MLPH: variants seen among roughly 807,000 people sequenced by gnomAD.
MLPH encodes the protein exophilin-3.
MLPH carries 51 observed loss-of-function variants against 72.1 expected under a neutral mutation model. The ratio of observed to expected loss-of-function variants is 0.71; its 90% CI spans 0.56 to 0.89. The LOEUF (loss-of-function observed/expected upper bound fraction) is 0.89. Among genes scored for constraint, MLPH ranks in the 40% least tolerant of loss-of-function variants. The probability of loss-of-function intolerance (pLI) is 0.00; values close to 1 mark genes in which losing one functional copy is unlikely to be tolerated. For synonymous variants in MLPH, 301 were observed against 310.1 expected, an observed-to-expected ratio of 0.97 and a Z score of 0.31; for missense variants, 743 against 759.9, an observed-to-expected ratio of 0.98 and a Z score of 0.26.
chr2:237,546,737 C>T, intron 13 of MLPH, 54 bp downstream of exon 13: 2 of 1,479,304 alleles, frequency 1.4e-6, no homozygotes, highest in Non-Finnish European at 1.9e-6. Context: ...GAAGACTGCA[C>T]CCCTTTCCAG....
chr2:237,518,431 T>G (rs747075121), intron 4 of MLPH, 108 bp from the exon 5 acceptor site: 5 of 859,860 alleles, frequency 5.8e-6, no homozygotes, highest in East Asian at 5.3e-5. Flanking sequence ...GAGGGAGGGA[T>G]GGGCAGGTAG....
At chr2:237,486,410 A>G (rs181388496), upstream of MLPH, 26 of 152,414 alleles carry the variant, frequency 1.7e-4, no homozygotes, top group African/African-American at 6.3e-4. Context: ...CCTAATGTCC[A>G]TTGGAATTCG....
In MLPH at chr2:237,512,093, C is replaced by T. The variant is rs754491034; in HGVS notation, c.445+992C>T. On this transcript the variant is annotated intron_variant, in intron 4 of 15. Coordinates refer to ENST00000264605, the MANE Select transcript of MLPH (RefSeq NM_024101.7). The surrounding 1 kb of genome is among the most constrained non-coding windows in gnomAD (Gnocchi z 5.5). ...ACCAAGGCGAGTTTCTCCAGGGCCA[C>T]GAGGCAGCGCCTGGCTCCGGCAGCT... Among the ~76,000 whole-genome samples the T allele has an allele frequency of 6.6e-6, 1 of 152,200 alleles. No individual in the cohort carries two copies. The highest frequency in any genetic ancestry group is 2.4e-5 in the African/African-American group (1 of 41,450).
chr2:237,506,248 C>A (rs1004946962), intron 2 of MLPH, among the ~76,000 whole-genome samples: 3 of 152,132 alleles, frequency 2.0e-5, no homozygotes, highest in East Asian at 1.9e-4. Context: ...TAACAGTAAA[C>A]CCCCTACATG....
At chr2:237,500,413 G>A (rs2079622133) in intron 2 of MLPH, among the ~76,000 whole-genome samples, 1 of 152,248 alleles carries the variant, frequency 6.6e-6, no homozygotes, top group South Asian at 2.1e-4. Flanking sequence ...CACCAGAAGT[G>A]TGGCTAATGC....
At chr2:237,504,507 C>T (rs536561850) in intron 2 of MLPH, among the ~76,000 whole-genome samples, 24 of 152,316 alleles carry the variant, frequency 1.6e-4, no homozygotes, top group Admixed American at 9.8e-4. Context: ...TGTGAGCCAC[C>T]GCAACTGACC....
At position 237,519,228 on chromosome 2, in the gene MLPH, G is replaced by A. The variant is rs542223043; in HGVS notation, c.555+580G>A. Among the ~76,000 whole-genome samples, 33 of 152,140 alleles carry A rather than the reference G, an allele frequency of 2.2e-4. 1 individual carries two copies. Among genetic ancestry groups the A allele is most frequent in the Non-Finnish European group, 4.6e-4 (31 of 68,014 alleles). ...GGAAGCAGCTGGAAGAAGGGGCTGG[G>A]TAGGTGAGCAGGGGTTCAGACTTAG... is the stretch of plus-strand genomic sequence containing the variant. On this transcript the variant is annotated intron_variant, in intron 5 of 15. Coordinates refer to ENST00000264605, the MANE Select transcript of MLPH (RefSeq NM_024101.7).
chr2:237,492,605 C>G (rs1002864785), intron 1 of MLPH, among the ~76,000 whole-genome samples: 6 of 152,236 alleles, frequency 3.9e-5, no homozygotes, highest in African/African-American at 1.4e-4. Flanking sequence ...CAGCTGACCT[C>G]TCGAGTAAAT....
chr2:237,514,508 T>C (rs905858195), intron 4 of MLPH, among the ~76,000 whole-genome samples: 1 of 152,188 alleles, frequency 6.6e-6, no homozygotes. Context: ...TTCTATGTCC[T>C]GCCTTGGGGA....
At chr2:237,534,675 A>T in intron 9 of MLPH, 28 bp downstream of exon 9, 1 of 1,571,064 alleles carries the variant, frequency 6.4e-7, no homozygotes, top group Non-Finnish European at 8.8e-7. Context: ...GCAAAGAGAA[A>T]GGGCCCCCAC....
chr2:237,542,078 G>A (rs2033855399), intron 11 of MLPH, among the ~76,000 whole-genome samples: 1 of 152,180 alleles, frequency 6.6e-6, no homozygotes, highest in Admixed American at 6.5e-5. Flanking sequence ...GGCCCCTGGG[G>A]GCCACTGCAA....
intron 10 of MLPH, 45 bp from the exon 11 acceptor site, chr2:237,540,750 AACCCCAC>A: frequency 6.2e-7 from 1 of 1,604,504 alleles, no homozygotes; most frequent in Non-Finnish European, 8.5e-7. Context: ...ATCTGGGTGA[AACCCCAC>A]ACTCCCTCCT....
chr2:237,521,689 A>G (rs1329251369), intron 6 of MLPH, among the ~76,000 whole-genome samples: 4 of 152,384 alleles, frequency 2.6e-5, no homozygotes, highest in South Asian at 4.1e-4. Flanking sequence ...ATTCTTTTCT[A>G]TTGAAGGGTA....
chr2:237,546,226 C>G (rs903144879), intron 12 of MLPH, among the ~76,000 whole-genome samples: 4 of 152,078 alleles, frequency 2.6e-5, no homozygotes, highest in Admixed American at 2.6e-4. Flanking sequence ...TTTACAGAAG[C>G]GATAGGGGAA....
Position 237,505,904 on chromosome 2 carries a change from C to G in MLPH, c.111-4670C>G, listed in dbSNP as rs2106486758. On this transcript the variant is annotated intron_variant, in intron 2 of 15. Transcript: ENST00000264605. The surrounding 1 kb of genome is among the most constrained non-coding windows in gnomAD (Gnocchi z 4.5). ...AGAGGACAGTAATGTGGGTCCCCTGCCCCAAGGACAAGGACAGCACTTCCC... is the reference window on the plus strand; with the variant it reads ...AGAGGACAGTAATGTGGGTCCCCTGGCCCAAGGACAAGGACAGCACTTCCC... Among the ~76,000 whole-genome samples the G allele has an allele frequency of 6.6e-6, 1 of 152,318 alleles. No individual in the cohort carries two copies. The highest frequency in any genetic ancestry group is 2.1e-4 in the South Asian group (1 of 4,822).
chr2:237,499,708 G>T (rs2079606690), intron 2 of MLPH, among the ~76,000 whole-genome samples: 1 of 152,168 alleles, frequency 6.6e-6, no homozygotes, highest in African/African-American at 2.4e-5. Context: ...AGTAGAAAAA[G>T]CAAGTTGTGA....
intron 14 of MLPH, among the ~76,000 whole-genome samples, chr2:237,551,058 C>T (rs747737574): frequency 1.3e-4 from 20 of 152,262 alleles, no homozygotes; most frequent in Non-Finnish European, 2.2e-4. Context: ...CATTTCTCCC[C>T]GCCATCCTCA....
chr2:237,517,051 G>T (rs531942020), intron 4 of MLPH, among the ~76,000 whole-genome samples: 1 of 109,774 alleles, frequency 9.1e-6, no homozygotes, highest in African/African-American at 4.0e-5. Context: ...ATAGGTAAGT[G>T]GATGGGTGGA....
At position 237,512,499 on chromosome 2, in the gene MLPH, A is replaced by G. The variant is rs1311513407; in HGVS notation, c.445+1398A>G. Among the ~76,000 whole-genome samples, 1 of 152,166 alleles carries G rather than the reference A, an allele frequency of 6.6e-6. No individual in the cohort carries two copies. The highest frequency in any genetic ancestry group is 2.4e-5 in the African/African-American group (1 of 41,438). ...TTAAGAGTAAAAGGAGGCTCTACTG[A>G]TAACATGCTGCAACAACAGATGTGA... On this transcript the variant is annotated intron_variant, in intron 4 of 15. Transcript: ENST00000264605. This position sits in a 1 kb window ranked among gnomAD's most constrained non-coding sequence, Gnocchi z 5.5.
Sources: gnomAD v4.1 joint callset for allele counts (sites outside exome capture counted in the v4.1 genomes callset) on GRCh38, gnomAD v4.1.1 for gene constraint, Gnocchi (gnomAD v3.1) non-coding constraint, MANE v1.5 for transcripts, NCBI Gene and HGNC (gene_info 2026-07-23, HGNC 2026-07-21) for gene names.